NALF1: variants seen among roughly 807,000 people sequenced by gnomAD.
NALF1 encodes the protein NALCN channel auxiliary factor 1.
Under a neutral mutation model 48.4 loss-of-function variants are expected in NALF1, and 3 were observed. That is an observed-to-expected ratio of 0.06 (90% confidence interval 0.03 to 0.16). NALF1 has a LOEUF of 0.16. NALF1 is among the 10% of genes least tolerant of loss of function. The pLI is 1.00. For synonymous variants in NALF1, 262 were observed against 245.7 expected, an observed-to-expected ratio of 1.07 and a Z score of -0.62; for missense variants, 526 against 571.5, an observed-to-expected ratio of 0.92 and a Z score of 0.81.
In NALF1 at chr13:107,769,596, C is replaced by T. The variant is rs1308332050; in HGVS notation, c.915+96086G>A. On this transcript the variant is annotated intron_variant, in intron 1 of 2. Coordinates refer to ENST00000375915, the MANE Select transcript of NALF1 (RefSeq NM_001080396.3). ...GGGAGATATACCTAATGCTAGATGACGAGTTAGTGGGTTCAGTACACCAGC... is the reference window on the plus strand; with the variant it reads ...GGGAGATATACCTAATGCTAGATGATGAGTTAGTGGGTTCAGTACACCAGC... Among the ~76,000 whole-genome samples, 6 of 149,104 alleles carry T rather than the reference C, an allele frequency of 4.0e-5. No individual in the cohort carries two copies. The East Asian group carries it at 8.0e-4, about 20-fold the overall frequency.
At chr13:107,766,538 T>C (rs182687890) in intron 1 of NALF1, among the ~76,000 whole-genome samples, 224 of 152,334 alleles carry the variant, frequency 1.5e-3, no homozygotes, top group African/African-American at 4.0e-3. Context: ...AGTGAATTTA[T>C]TGTCTCAAAT....
chr13:107,178,414 A>C (rs144893922), intron 2 of NALF1, among the ~76,000 whole-genome samples: 1 of 152,246 alleles, frequency 6.6e-6, no homozygotes, highest in African/African-American at 2.4e-5. Context: ...GACATTTCTC[A>C]AAAGGAGACA....
intron 1 of NALF1, among the ~76,000 whole-genome samples, chr13:107,548,306 TC>T (rs1877188462): frequency 6.6e-6 from 1 of 152,152 alleles, no homozygotes; most frequent in Non-Finnish European, 1.5e-5. Flanking sequence ...ATAATCTCAT[TC>T]TTTTTTATGG....
chr13:107,633,753 T>C (rs899206917), intron 1 of NALF1, among the ~76,000 whole-genome samples: 1 of 147,486 alleles, frequency 6.8e-6, no homozygotes. Context: ...AACACATATA[T>C]ATGGAAAATA....
chr13:107,660,387 T>C (rs1446585328), intron 1 of NALF1, among the ~76,000 whole-genome samples: 1 of 147,652 alleles, frequency 6.8e-6, no homozygotes, highest in Non-Finnish European at 1.5e-5. Flanking sequence ...TAAGCCGAGA[T>C]TGCACCACTG....
intron 1 of NALF1, among the ~76,000 whole-genome samples, chr13:107,286,921 T>C (rs1357448547): frequency 1.1e-4 from 16 of 152,080 alleles, no homozygotes; most frequent in Admixed American, 1.0e-3. Flanking sequence ...GAAAAACAAA[T>C]TGATGTGTAA....
intron 1 of NALF1, among the ~76,000 whole-genome samples, chr13:107,638,778 C>A (rs991848329): frequency 4.6e-5 from 7 of 152,094 alleles, no homozygotes; most frequent in Admixed American, 3.9e-4. Context: ...GGCAGAGGAA[C>A]TGGGCTAGGC....
intron 1 of NALF1, among the ~76,000 whole-genome samples, chr13:107,844,453 G>C (rs1035989290): frequency 6.6e-6 from 1 of 152,032 alleles, no homozygotes; most frequent in African/African-American, 2.4e-5. Flanking sequence ...GGAACAAAAT[G>C]CTTTACCTTT....
rs1449893313 is a variant in NALF1, at chr13:107,867,197, TC to T, written c.-602del. Among the ~76,000 whole-genome samples, 1 of 151,292 alleles carries T rather than the reference TC, an allele frequency of 6.6e-6. No homozygotes were observed. Among genetic ancestry groups the T allele is most frequent in the African/African-American group, 2.4e-5 (1 of 41,206 alleles). On this transcript the variant is annotated 5_prime_UTR_variant, in exon 1 of 3. Transcript: ENST00000375915. This position sits in a 1 kb window ranked among gnomAD's most constrained non-coding sequence, Gnocchi z 4.4. ...CCTTTCCTTCTCCTTCTTCTTCTCCTCCGCCTCCCGCTCCTGCTCCGCGCTG... is the reference window on the plus strand; with the variant it reads ...CCTTTCCTTCTCCTTCTTCTTCTCCTCGCCTCCCGCTCCTGCTCCGCGCTG...
intron 1 of NALF1, among the ~76,000 whole-genome samples, chr13:107,509,686 A>C (rs1190336115): frequency 1.3e-5 from 2 of 152,198 alleles, no homozygotes; most frequent in Middle Eastern, 3.2e-3. Flanking sequence ...GTCAGCAACA[A>C]GTTATTAGCC....
chr13:107,729,273 C>T (rs1876243107), intron 1 of NALF1, among the ~76,000 whole-genome samples: 1 of 151,934 alleles, frequency 6.6e-6, no homozygotes, highest in African/African-American at 2.4e-5. Flanking sequence ...AAACATTTAC[C>T]ATCTGACAAT....
chr13:107,503,598 GCATATACC>G (rs1168619756), intron 1 of NALF1, among the ~76,000 whole-genome samples: 2 of 152,068 alleles, frequency 1.3e-5, no homozygotes, highest in East Asian at 3.9e-4. Context: ...CCTCTTCTGG[GCATATACC>G]CAAAGGAGAT....
At chr13:107,351,725 C>T (rs543510478) in intron 1 of NALF1, among the ~76,000 whole-genome samples, 4 of 152,160 alleles carry the variant, frequency 2.6e-5, no homozygotes, top group Non-Finnish European at 2.9e-5. Flanking sequence ...TTCTTATTCC[C>T]GAATAAACTC....
At chr13:107,574,358 A>T (rs1259005124) in intron 1 of NALF1, among the ~76,000 whole-genome samples, 1 of 152,118 alleles carries the variant, frequency 6.6e-6, no homozygotes, top group Non-Finnish European at 1.5e-5. Flanking sequence ...TGCCTTTATG[A>T]TTAATTGTTC....
chr13:107,667,039 T>C (rs1005310999), intron 1 of NALF1, among the ~76,000 whole-genome samples: 1 of 152,078 alleles, frequency 6.6e-6, no homozygotes, highest in Non-Finnish European at 1.5e-5. Flanking sequence ...AGACCCCTCA[T>C]AGAAACAATT....
intron 1 of NALF1, among the ~76,000 whole-genome samples, chr13:107,464,866 A>G (rs1884976013): frequency 6.6e-6 from 1 of 152,186 alleles, no homozygotes; most frequent in African/African-American, 2.4e-5. Flanking sequence ...CTCAACATAC[A>G]AAAAGCAGTA....
intron 1 of NALF1, among the ~76,000 whole-genome samples, chr13:107,669,349 C>G (rs141414239): frequency 6.6e-6 from 1 of 152,088 alleles, no homozygotes; most frequent in Admixed American, 6.6e-5. Context: ...TTGCAGCACA[C>G]GCTTGAAAAC....
chr13:107,303,169 G>A (rs115761869), intron 1 of NALF1, among the ~76,000 whole-genome samples: 1 of 151,938 alleles, frequency 6.6e-6, no homozygotes, highest in East Asian at 1.9e-4. Flanking sequence ...TCATGTGTTT[G>A]TTGGCCATTT....
intron 1 of NALF1, among the ~76,000 whole-genome samples, chr13:107,696,452 T>G (rs1266547355): frequency 2.0e-5 from 3 of 151,886 alleles, no homozygotes; most frequent in Non-Finnish European, 2.9e-5. Flanking sequence ...CAGACAAGGG[T>G]AGCTTTAAGG....
Sources: allele counts gnomAD v4.1 joint callset (sites outside exome capture counted in the v4.1 genomes callset), GRCh38; gene constraint gnomAD v4.1.1; non-coding constraint Gnocchi (gnomAD v3.1); transcripts MANE v1.5; gene names NCBI Gene and HGNC (gene_info 2026-07-23, HGNC 2026-07-21).